The following NEMP2 variants were observed in gnomAD, a reference collection of about 807,000 sequenced individuals.
The protein encoded by NEMP2 is UPF0571 transmembrane protein.
A neutral mutation model predicts 54.2 loss-of-function variants in NEMP2; 53 were observed. That is an observed-to-expected ratio of 0.98 (90% CI 0.78 to 1.23). The LOEUF is 1.23. Among genes scored for constraint, NEMP2 ranks in the 50% most tolerant of loss-of-function variants. NEMP2 has a pLI of 0.00. For missense variants in NEMP2, 455 were observed against 511.3 expected (o/e 0.89, Z 1.06); for synonymous variants, 197 against 190.3 (o/e 1.04, Z -0.29).
chr2:190,542,781 T>C, the NEMP2 span, among the ~76,000 whole-genome samples: 5 of 152,236 alleles, frequency 3.3e-5, no homozygotes, highest in Non-Finnish European at 7.3e-5. The surrounding 1 kb of genome is among the most constrained non-coding windows in gnomAD (Gnocchi z 4.6). Flanking sequence ...ATTTCTGAAT[T>C]GCTATTCTGT....
the NEMP2 span, among the ~76,000 whole-genome samples, chr2:190,573,028 G>T: frequency 6.6e-6 from 1 of 151,542 alleles, no homozygotes; most frequent in East Asian, 1.9e-4. Context: ...GTTCCCAAAA[G>T]AAAATGTGGA....
chr2:190,561,891 C>G, the NEMP2 span, among the ~76,000 whole-genome samples: 3 of 152,124 alleles, frequency 2.0e-5, no homozygotes, highest in African/African-American at 7.2e-5. This position sits in a 1 kb window ranked among gnomAD's most constrained non-coding sequence, Gnocchi z 5.4. Flanking sequence ...GGAAGAGTCT[C>G]AGAGGCTACC....
At chr2:190,625,355 G>C in the NEMP2 span, 17 of 152,302 alleles carry the variant, frequency 1.1e-4, no homozygotes, top group Middle Eastern at 3.4e-3. Context: ...AAACTGTCCA[G>C]AAGAGGCAAG....
At chr2:190,556,459 G>A in the NEMP2 span, among the ~76,000 whole-genome samples, 2 of 152,184 alleles carry the variant, frequency 1.3e-5, no homozygotes, top group South Asian at 4.1e-4. Context: ...ATTCAACACA[G>A]TATTGGAAGT....
the NEMP2 span, among the ~76,000 whole-genome samples, chr2:190,490,299 C>G: frequency 6.6e-6 from 1 of 150,760 alleles, no homozygotes; most frequent in African/African-American, 2.4e-5. This position sits in a 1 kb window ranked among gnomAD's most constrained non-coding sequence, Gnocchi z 4.5. Context: ...TGCAGTGGCT[C>G]ACGCCTGTAA....
chr2:190,456,744 G>A, the NEMP2 span, among the ~76,000 whole-genome samples: 1 of 152,188 alleles, frequency 6.6e-6, no homozygotes, highest in Non-Finnish European at 1.5e-5. The surrounding 1 kb of genome is among the most constrained non-coding windows in gnomAD (Gnocchi z 5.4). Flanking sequence ...GGTAAGAGGT[G>A]GAAACCTTGG....
the NEMP2 span, among the ~76,000 whole-genome samples, chr2:190,640,336 GTTGT>G: frequency 1.9e-3 from 294 of 152,140 alleles, 1 homozygote; most frequent in Non-Finnish European, 3.5e-3. Context: ...TGTTCTAAAG[GTTGT>G]TTATTTTTTT....
chr2:190,597,650 A>T, the NEMP2 span, among the ~76,000 whole-genome samples: 1 of 152,350 alleles, frequency 6.6e-6, no homozygotes, highest in South Asian at 2.1e-4. The surrounding 1 kb of genome is among the most constrained non-coding windows in gnomAD (Gnocchi z 4.7). Flanking sequence ...GAGGTGCCCA[A>T]CACAGTAGTT....
the NEMP2 span, among the ~76,000 whole-genome samples, chr2:190,470,126 C>T: frequency 6.6e-6 from 1 of 152,166 alleles, no homozygotes; most frequent in African/African-American, 2.4e-5. Flanking sequence ...AACTCCTGTG[C>T]ACAACTATTA....
the NEMP2 span, among the ~76,000 whole-genome samples, chr2:190,487,050 A>T: frequency 2.6e-5 from 4 of 152,152 alleles, no homozygotes; most frequent in Non-Finnish European, 5.9e-5. This position sits in a 1 kb window ranked among gnomAD's most constrained non-coding sequence, Gnocchi z 5.5. Flanking sequence ...TAACTGAACT[A>T]TATATTAAGA....
the NEMP2 span, among the ~76,000 whole-genome samples, chr2:190,461,606 C>G: frequency 3.3e-5 from 5 of 152,198 alleles, no homozygotes; most frequent in Non-Finnish European, 5.9e-5. The surrounding 1 kb of genome is among the most constrained non-coding windows in gnomAD (Gnocchi z 5.5). Flanking sequence ...GCCTCGTTCT[C>G]TGCCTCCCAG....
chr2:190,636,189 CTT>C, the NEMP2 span, among the ~76,000 whole-genome samples: 2 of 152,162 alleles, frequency 1.3e-5, no homozygotes, highest in African/African-American at 4.8e-5. Context: ...TGCTGTCAGA[CTT>C]TTAAAATTTT....
the NEMP2 span, among the ~76,000 whole-genome samples, chr2:190,470,704 G>T: frequency 1.3e-5 from 2 of 152,094 alleles, no homozygotes; most frequent in African/African-American, 4.8e-5. Flanking sequence ...GACAAATGCG[G>T]TGTAATCAAT....
rs989515353 is a variant in NEMP2 at position 190,523,116 on chromosome 2, G to A, written c.213+2147C>T. 6.6e-6 allele frequency among the ~76,000 whole-genome samples: 1 copy of A among 151,970 alleles called. No individual in the cohort carries two copies. The highest frequency in any genetic ancestry group is 1.5e-5 in the Non-Finnish European group (1 of 67,992). On this transcript the variant is annotated intron_variant, in intron 2 of 8. Coordinates refer to ENST00000409150, the MANE Select transcript of NEMP2 (RefSeq NM_001142645.2). This position sits in a 1 kb window ranked among gnomAD's most constrained non-coding sequence, Gnocchi z 5.3. ...AAACTAAAAAAATAAAAATAAAAATGATAATAAAATTGACCATGATGGGGG... is the reference window on the plus strand; with the variant it reads ...AAACTAAAAAAATAAAAATAAAAATAATAATAAAATTGACCATGATGGGGG...
rs1690218689 is a variant in NEMP2 at position 190,507,467 on chromosome 2, G to A, written c.*1722C>T. Reference sequence around the variant, plus strand: ...TAGGAGACGAACTTGGTGAGCACAGGCACTGATACATCTGATACATTTATA... The same window carrying A: ...TAGGAGACGAACTTGGTGAGCACAGACACTGATACATCTGATACATTTATA... On this transcript the variant is annotated 3_prime_UTR_variant, in exon 9 of 9. Coordinates refer to ENST00000409150, the MANE Select transcript of NEMP2 (RefSeq NM_001142645.2). This position sits in a 1 kb window ranked among gnomAD's most constrained non-coding sequence, Gnocchi z 4.4. 6.6e-6 allele frequency: 1 copy of A among 151,988 alleles called. No homozygotes were observed. The highest frequency in any genetic ancestry group is 1.5e-5 in the Non-Finnish European group (1 of 68,004). The allele number at this position is 151,988 out of a possible 1,614,324, so 9.4% of individuals were successfully genotyped here. A position where few individuals can be genotyped will look rare whatever the true frequency, so the allele number is the denominator to read the frequency against.
rs1399747787 is a variant in NEMP2 at position 190,520,988 on chromosome 2, G to A, written c.214-1805C>T. ...GACTCCTTTGTACCCCTCTTGCTTT[G>A]TCATGCTCACTTGCAAAATCCAACT... On this transcript the variant is annotated intron_variant, in intron 2 of 8. Transcript: ENST00000409150. The surrounding 1 kb of genome is among the most constrained non-coding windows in gnomAD (Gnocchi z 5.4). 6.6e-6 allele frequency among the ~76,000 whole-genome samples: 1 copy of A among 151,998 alleles called. No individual in the cohort carries two copies. Among genetic ancestry groups the A allele is most frequent in the Non-Finnish European group, 1.5e-5 (1 of 68,006 alleles).
At chr2:190,446,571 A>C in the NEMP2 span, among the ~76,000 whole-genome samples, 1 of 152,324 alleles carries the variant, frequency 6.6e-6, no homozygotes, top group South Asian at 2.1e-4. Flanking sequence ...AGTGTCATGA[A>C]GTTTTTAAAA....
In NEMP2 at chr2:190,508,811, G is replaced by A; in HGVS notation, c.*378C>T. 1 of 223,380 alleles carries A rather than the reference G, an allele frequency of 4.5e-6. No individual in the cohort carries two copies. The allele number at this position is 223,380 out of a possible 1,614,324, so 13.8% of individuals were successfully genotyped here. ...ACTGACGAACTATAGGAAGAGTATT[G>A]CAGAGTCTTCTGACACAGGTTCAGG... On this transcript the variant is annotated 3_prime_UTR_variant, in exon 9 of 9. Coordinates refer to ENST00000409150, the MANE Select transcript of NEMP2 (RefSeq NM_001142645.2). The surrounding 1 kb of genome is among the most constrained non-coding windows in gnomAD (Gnocchi z 4.3).
At chr2:190,497,195 A>G in the NEMP2 span, among the ~76,000 whole-genome samples, 7 of 152,292 alleles carry the variant, frequency 4.6e-5, no homozygotes, top group Admixed American at 1.3e-4. The surrounding 1 kb of genome is among the most constrained non-coding windows in gnomAD (Gnocchi z 5.2). Context: ...AATGAAAAAT[A>G]TATTTCTTAA....
Sources: gnomAD v4.1 joint callset for allele counts (sites outside exome capture counted in the v4.1 genomes callset) on GRCh38, gnomAD v4.1.1 for gene constraint, Gnocchi (gnomAD v3.1) non-coding constraint, MANE v1.5 for transcripts, NCBI Gene and HGNC (gene_info 2026-07-23, HGNC 2026-07-21) for gene names.